CLEC16A: variants seen among roughly 807,000 people sequenced by gnomAD.
The protein encoded by CLEC16A is protein CLEC16A.
In CLEC16A, 51 loss-of-function variants were observed where a neutral mutation model predicts 109.5. The observed-to-expected ratio is 0.47, with a 90% CI of 0.37 to 0.59. The LOEUF (loss-of-function observed/expected upper bound fraction) is 0.59, where lower values mean the gene tolerates loss of function less well. Among genes scored for constraint, CLEC16A ranks in the 20% least tolerant of loss-of-function variants. The pLI is 0.00. For synonymous variants in CLEC16A, 673 were observed against 564.2 expected (o/e 1.19, Z -2.73); for missense variants, 1,339 against 1,394.0 (o/e 0.96, Z 0.63).
At chr16:11,025,068 C>T (rs769188261) in intron 13 of CLEC16A, 147 bp downstream of exon 13, 24 of 617,040 alleles carry the variant, frequency 3.9e-5, no homozygotes, top group East Asian at 8.7e-5. Flanking sequence ...TTTTGACTCC[C>T]GCTCCTCTTT....
chr16:11,123,738 G>T lies in CLEC16A; in HGVS notation c.2269-4G>T. ...TGCCTTTTCCTTTGCTTCTCACTGT[G>T]CAGGACATGCAGGTGACTGGCGTGG... is the stretch of plus-strand genomic sequence containing the variant. On this transcript the variant is annotated splice_polypyrimidine_tract_variant and splice_region_variant and intron_variant, in intron 20 of 23. Coordinates refer to ENST00000409790, the MANE Select transcript of CLEC16A (RefSeq NM_015226.3). 2.5e-6 allele frequency: 4 copies of T among 1,614,016 alleles called. No individual in the cohort carries two copies. The highest frequency in any genetic ancestry group is 3.4e-6 in the Non-Finnish European group (4 of 1,179,872).
At chr16:11,121,835 G>A (rs866254482) in intron 20 of CLEC16A, among the ~76,000 whole-genome samples, 11 of 139,632 alleles carry the variant, frequency 7.9e-5, no homozygotes, top group Admixed American at 7.7e-5. Context: ...AGCTGAGATC[G>A]TGCCACTGCA....
chr16:11,012,388 G>C (rs923983981), intron 11 of CLEC16A, among the ~76,000 whole-genome samples: 1 of 152,142 alleles, frequency 6.6e-6, no homozygotes, highest in African/African-American at 2.4e-5. Flanking sequence ...GAGGTCAGGA[G>C]ATCGAGACGA....
intron 19 of CLEC16A, among the ~76,000 whole-genome samples, chr16:11,093,081 C>T (rs969645310): frequency 6.6e-6 from 1 of 152,208 alleles, no homozygotes; most frequent in East Asian, 1.9e-4. Context: ...CCTGTACCCC[C>T]CACCACCTCC....
Position 10,982,935 on chromosome 16 carries a change from A to C in CLEC16A, c.1015A>C (p.Asn339His). The change falls in exon 10 of 24, where the codon AAT (asparagine) becomes CAT (histidine). Residue 339 changes from asparagine (N) to histidine (H), a missense_variant. Physicochemically the swap from Asn to His is moderately conservative, Grantham distance 68. Around this residue, in one of 3 missense-constraint regions of CLEC16A, gnomAD observed 1,061 missense variants for 1,006.8 expected, o/e 1.05. Transcript: ENST00000409790. ...LVNSLAEVILNGDLSEMYAKT... is the reference protein window; with the variant it reads ...LVNSLAEVILHGDLSEMYAKT... ...GAACTCGTTAGCTGAAGTCATTCTG[A>C]ATGGTGATCTGTCTGAGATGTACGC... The C allele has an allele frequency of 6.2e-7, 1 of 1,613,390 alleles. No individual in the cohort carries two copies. The highest frequency in any genetic ancestry group is 8.5e-7 in the Non-Finnish European group (1 of 1,179,328).
intron 19 of CLEC16A, among the ~76,000 whole-genome samples, chr16:11,062,218 C>T (rs2048520406): frequency 6.6e-6 from 1 of 152,090 alleles, no homozygotes; most frequent in Non-Finnish European, 1.5e-5. Flanking sequence ...GGAAAGCCAC[C>T]AAAGAAGGGA....
chr16:10,969,383 G>A (rs1422387366), intron 4 of CLEC16A, 74 bp downstream of exon 4: 11 of 1,029,732 alleles, frequency 1.1e-5, no homozygotes, highest in East Asian at 2.7e-5. Context: ...TTACGGCAGC[G>A]CCTTATATCT....
chr16:11,067,508 A>G (rs1015133832), intron 19 of CLEC16A, among the ~76,000 whole-genome samples: 2 of 152,086 alleles, frequency 1.3e-5, no homozygotes, highest in Non-Finnish European at 2.9e-5. Context: ...CAGTGTGGCC[A>G]CAGAGTCGGG....
intron 22 of CLEC16A, among the ~76,000 whole-genome samples, chr16:11,135,748 G>T (rs1057330557): frequency 6.6e-6 from 1 of 152,370 alleles, no homozygotes; most frequent in Non-Finnish European, 1.5e-5. Flanking sequence ...AGAATGTTCT[G>T]TAGGCTCGGG....
chr16:11,016,593 C>T (rs2045769501), intron 11 of CLEC16A, among the ~76,000 whole-genome samples: 1 of 152,142 alleles, frequency 6.6e-6, no homozygotes, highest in African/African-American at 2.4e-5. Context: ...GCCTCAGCCT[C>T]CCAAAATGCT....
intron 19 of CLEC16A, among the ~76,000 whole-genome samples, chr16:11,080,270 G>A (rs1248239632): frequency 2.0e-5 from 3 of 152,356 alleles, no homozygotes; most frequent in Admixed American, 1.3e-4. Context: ...TTCAGCAGGT[G>A]GGTGCAGGTG....
At chr16:10,985,611 A>G (rs1304519105) in intron 10 of CLEC16A, among the ~76,000 whole-genome samples, 1 of 151,246 alleles carries the variant, frequency 6.6e-6, no homozygotes, top group Admixed American at 6.6e-5. Flanking sequence ...TTCATCTCAG[A>G]TTGTCTTACT....
At chr16:11,092,333 G>C (rs527662739) in intron 19 of CLEC16A, among the ~76,000 whole-genome samples, 1 of 147,158 alleles carries the variant, frequency 6.8e-6, no homozygotes, top group South Asian at 2.2e-4. Flanking sequence ...GATAGAGTAA[G>C]ACCTGTCTCA....
At chr16:11,132,040 A>G (rs1264980869) in intron 22 of CLEC16A, among the ~76,000 whole-genome samples, 1 of 152,188 alleles carries the variant, frequency 6.6e-6, no homozygotes, top group Non-Finnish European at 1.5e-5. Context: ...AGGTCACCCT[A>G]GTTCTCTGCA....
At chr16:11,111,658 C>T (rs989504372) in intron 19 of CLEC16A, among the ~76,000 whole-genome samples, 21 of 152,196 alleles carry the variant, frequency 1.4e-4, no homozygotes, top group African/African-American at 5.1e-4. Flanking sequence ...TGTGCTGTTA[C>T]ACCAAGGAGA....
At chr16:11,024,330 A>G in intron 12 of CLEC16A, 1 of 156,950 alleles carries the variant, frequency 6.4e-6, no homozygotes. Flanking sequence ...TGCTGAATAA[A>G]AAGCTAAGAA....
intron 10 of CLEC16A, among the ~76,000 whole-genome samples, chr16:10,995,528 G>C: frequency 6.6e-6 from 1 of 152,200 alleles, no homozygotes. Flanking sequence ...GAACATGACT[G>C]TTCTTTAAAA....
chr16:11,107,077 C>T (rs1350413759), intron 19 of CLEC16A, among the ~76,000 whole-genome samples: 2 of 152,194 alleles, frequency 1.3e-5, no homozygotes, highest in African/African-American at 4.8e-5. Flanking sequence ...GCGGCAGAGG[C>T]CCGGACATCA....
chr16:10,946,293 A>T (rs568279358), intron 1 of CLEC16A, among the ~76,000 whole-genome samples: 2 of 152,296 alleles, frequency 1.3e-5, no homozygotes, highest in Admixed American at 6.5e-5. Flanking sequence ...GGGACTTCTC[A>T]TGTGTCCCCG....
Sources: gnomAD v4.1 joint callset for allele counts (sites outside exome capture counted in the v4.1 genomes callset) on GRCh38, gnomAD v4.1.1 for gene constraint, gnomAD v4.1.1 regional missense constraint, MANE v1.5 for transcripts, NCBI Gene and HGNC (gene_info 2026-07-23, HGNC 2026-07-21) for gene names.